EFHD1: variants seen among roughly 807,000 people sequenced by gnomAD.
The protein encoded by EFHD1 is EF-hand domain-containing protein D1.
In EFHD1, 10 loss-of-function variants were observed where a neutral mutation model predicts 17.2. The observed-to-expected ratio is 0.58, with a 90% CI of 0.36 to 0.99. EFHD1 has a LOEUF of 0.99. Among genes scored for constraint, EFHD1 ranks in the 50% least tolerant of loss-of-function variants. The pLI, the probability that EFHD1 is intolerant of heterozygous loss-of-function variation, is 0.01. For missense variants in EFHD1, 310 were observed against 327.5 expected (o/e 0.95, Z 0.41); for synonymous variants, 153 against 142.0 (o/e 1.08, Z -0.55).
At chr2:232,677,798 A>C (rs61443084) in intron 3 of EFHD1, among the ~76,000 whole-genome samples, 4,942 of 152,244 alleles carry the variant, frequency 0.032, 183 homozygotes, top group East Asian at 0.21. Flanking sequence ...AAATGTAAGG[A>C]TTACTTCTTC....
At chr2:232,621,873 C>T (rs1280290485) in intron 1 of EFHD1, among the ~76,000 whole-genome samples, 1 of 152,210 alleles carries the variant, frequency 6.6e-6, no homozygotes, top group African/African-American at 2.4e-5. Context: ...CCTCTTCTCA[C>T]CCCTCTGTGC....
At chr2:232,673,601 C>A (rs1408568622) in intron 3 of EFHD1, among the ~76,000 whole-genome samples, 1 of 152,126 alleles carries the variant, frequency 6.6e-6, no homozygotes, top group Admixed American at 6.5e-5. Flanking sequence ...TGAAGAGTTC[C>A]CTCCCCTGGG....
intron 1 of EFHD1, among the ~76,000 whole-genome samples, chr2:232,617,170 G>T (rs1693940053): frequency 6.6e-6 from 1 of 152,210 alleles, no homozygotes; most frequent in Non-Finnish European, 1.5e-5. Flanking sequence ...ATTCGCGGTG[G>T]TTCAGGGTTC....
rs935159287 is a variant in EFHD1 at position 232,680,415 on chromosome 2, C to T, written c.586-1170C>T. On this transcript the variant is annotated intron_variant, in intron 3 of 3. Coordinates refer to ENST00000264059, the MANE Select transcript of EFHD1 (RefSeq NM_025202.4). ...GACAAGTTGTTAGATTTAAAATACT[C>T]AGATGGCACCAAATTCCATTCACAA... Among the ~76,000 whole-genome samples, 3 of 152,080 alleles carry T rather than the reference C, an allele frequency of 2.0e-5. No individual in the cohort carries two copies. In the East Asian group the frequency reaches 5.8e-4, roughly 29 times the overall value.
intron 1 of EFHD1, among the ~76,000 whole-genome samples, chr2:232,614,271 AT>A (rs1693878476): frequency 1.3e-5 from 2 of 151,858 alleles, no homozygotes; most frequent in Admixed American, 1.3e-4. Context: ...TTATACTCAG[AT>A]TTTTTTTCAG....
intron 1 of EFHD1, among the ~76,000 whole-genome samples, chr2:232,628,122 G>A (rs1003769319): frequency 1.1e-4 from 16 of 152,150 alleles, no homozygotes; most frequent in Non-Finnish European, 1.6e-4. Flanking sequence ...GTACAGTGAC[G>A]TGATCTCGGC....
At chr2:232,654,736 G>T (rs866988926) in intron 1 of EFHD1, among the ~76,000 whole-genome samples, 2 of 152,072 alleles carry the variant, frequency 1.3e-5, no homozygotes, top group Non-Finnish European at 2.9e-5. Flanking sequence ...CCAGAGGATG[G>T]CTTTTCTCAT....
chr2:232,633,540 C>T (rs889384334), upstream of EFHD1: 33 of 1,284,582 alleles, frequency 2.6e-5, no homozygotes, highest in African/African-American at 9.3e-5. Flanking sequence ...AGCTCCGCCC[C>T]GACCGCCCCG....
At chr2:232,664,320 T>C (rs560988959) in intron 2 of EFHD1, among the ~76,000 whole-genome samples, 2 of 151,626 alleles carry the variant, frequency 1.3e-5, no homozygotes, top group East Asian at 3.9e-4. Context: ...AAAAATTTTT[T>C]TGTAGAGATA....
intron 1 of EFHD1, among the ~76,000 whole-genome samples, chr2:232,647,791 C>T (rs901792687): frequency 1.3e-5 from 2 of 152,104 alleles, no homozygotes; most frequent in Non-Finnish European, 2.9e-5. Flanking sequence ...CACCCACCAC[C>T]ACACCCGGCT....
At chr2:232,609,064 T>C (rs930607654) in intron 1 of EFHD1, among the ~76,000 whole-genome samples, 3 of 139,586 alleles carry the variant, frequency 2.1e-5, no homozygotes, top group African/African-American at 8.0e-5. Flanking sequence ...CTTTTTTTTT[T>C]TTTTTTTTTT....
At position 232,658,787 on chromosome 2, in the gene EFHD1, T is replaced by A. The variant is rs149546461; in HGVS notation, c.303-4015T>A. 1.1e-3 allele frequency among the ~76,000 whole-genome samples: 164 copies of A among 152,220 alleles called. 4 individuals are homozygous for A. The East Asian group carries it at 0.025, about 23-fold the overall frequency. On this transcript the variant is annotated intron_variant, in intron 1 of 3. Transcript: ENST00000264059. Reference sequence around the variant, plus strand: ...GGGAATGACTGCTAATGGGTATCAGTTTCTTTTTAGGGTGAGGCAAACGTT... The same window carrying A: ...GGGAATGACTGCTAATGGGTATCAGATTCTTTTTAGGGTGAGGCAAACGTT...
At chr2:232,657,524 T>C (rs1035835059) in intron 1 of EFHD1, among the ~76,000 whole-genome samples, 4 of 152,234 alleles carry the variant, frequency 2.6e-5, no homozygotes, top group Admixed American at 2.6e-4. Flanking sequence ...AGAATACTAG[T>C]GTCAGCCAGG....
intron 1 of EFHD1, among the ~76,000 whole-genome samples, chr2:232,658,664 T>A (rs1694805684): frequency 6.6e-6 from 1 of 151,816 alleles, no homozygotes. Context: ...ATTGATACAG[T>A]GGAATATTGT....
At chr2:232,652,328 C>T (rs753005472) in intron 1 of EFHD1, among the ~76,000 whole-genome samples, 66 of 152,134 alleles carry the variant, frequency 4.3e-4, no homozygotes, top group Non-Finnish European at 8.2e-4. Flanking sequence ...ATGTCTAACT[C>T]TCACAGTTAC....
chr2:232,638,384 G>C, intron 1 of EFHD1: 1 of 471,112 alleles, frequency 2.1e-6, no homozygotes, highest in South Asian at 1.5e-5. Context: ...TTTGGCTATG[G>C]GAAAGTTGTC....
At position 232,661,231 on chromosome 2, in the gene EFHD1, G is replaced by T. The variant is rs755673049; in HGVS notation, c.303-1571G>T. ...CATCATTAAGTACATTCACATTATC[G>T]TGCTGCCATCACCACCATCCATCGC... On this transcript the variant is annotated intron_variant, in intron 1 of 3. Coordinates refer to ENST00000264059, the MANE Select transcript of EFHD1 (RefSeq NM_025202.4). Among the ~76,000 whole-genome samples, 174 of 151,788 alleles carry T rather than the reference G, an allele frequency of 1.1e-3. 1 individual carries two copies. The highest frequency in any genetic ancestry group is 1.2e-3 in the Non-Finnish European group (81 of 67,956).
intron 3 of EFHD1, 88 bp from the exon 4 acceptor site, chr2:232,681,497 T>C: frequency 6.5e-7 from 1 of 1,537,202 alleles, no homozygotes. Flanking sequence ...CTAGGTCTGC[T>C]GAATGGGCTG....
chr2:232,638,106 G>A (rs1383094973), intron 1 of EFHD1: 1 of 248,994 alleles, frequency 4.0e-6, no homozygotes, highest in Non-Finnish European at 8.1e-6. Flanking sequence ...ATAGTGGCCT[G>A]ATTTTAAAAG....
Sources: gnomAD v4.1 joint callset for allele counts (sites outside exome capture counted in the v4.1 genomes callset) on GRCh38, gnomAD v4.1.1 for gene constraint, MANE v1.5 for transcripts, NCBI Gene and HGNC (gene_info 2026-07-23, HGNC 2026-07-21) for gene names.